The following ALDH16A1 variants were observed in gnomAD, a reference collection of about 807,000 sequenced individuals.
The protein encoded by ALDH16A1 is aldehyde dehydrogenase 16 family member A1, also known as aldehyde dehydrogenase family 16 member A1.
ALDH16A1 carries 88 observed loss-of-function variants against 96.1 expected under a neutral mutation model. The observed-to-expected ratio is 0.92, with a 90% confidence interval of 0.77 to 1.09. The LOEUF (loss-of-function observed/expected upper bound fraction) is 1.09, where lower values mean the gene tolerates loss of function less well. Ranked by LOEUF, ALDH16A1 falls within the 50% of genes least tolerant of loss-of-function variation. The probability of loss-of-function intolerance (pLI) is 0.00; values close to 1 mark genes in which losing one functional copy is unlikely to be tolerated. For synonymous variants in ALDH16A1, 522 were observed against 496.4 expected (o/e 1.05, Z -0.69); for missense variants, 1,250 against 1,112.6 (o/e 1.12, Z -1.76).
At chr19:49,455,082 C>T (rs1306475364) in intron 1 of ALDH16A1, among the ~76,000 whole-genome samples, 2 of 151,400 alleles carry the variant, frequency 1.3e-5, no homozygotes, top group Non-Finnish European at 2.9e-5. Flanking sequence ...TGCACCACTG[C>T]ACTCCAGCCT....
chr19:49,470,048 A>C, intron 16 of ALDH16A1: 1 of 463,882 alleles, frequency 2.2e-6, no homozygotes, highest in Admixed American at 3.9e-5. Flanking sequence ...TTGGTAACAG[A>C]TGTGAACTTG....
intron 8 of ALDH16A1, 146 bp from the exon 9 acceptor site, chr19:49,463,708 C>G: frequency 3.7e-6 from 2 of 535,082 alleles, no homozygotes; most frequent in Middle Eastern, 3.5e-4. Flanking sequence ...GGAGGAGAGG[C>G]TGGGGGTCCA....
chr19:49,461,850 C>G, intron 6 of ALDH16A1, 34 bp from the exon 7 acceptor site: 1 of 1,597,668 alleles, frequency 6.3e-7, no homozygotes, highest in Non-Finnish European at 8.5e-7. Flanking sequence ...GGCCGCAAGG[C>G]TCCTCCTGCG....
rs781088118 is a variant in ALDH16A1 at position 49,459,876 on chromosome 19, C to A, written c.499+28C>A. The stretch of plus-strand genomic sequence containing the variant: ...GAGACCCTGGAGTCCCTAGCCCTAT[C>A]CTCCCACATGACTCAGCAGTGCTAG... On this transcript the variant is annotated intron_variant, in intron 4 of 16. Transcript: ENST00000293350. This position sits in a 1 kb window ranked among gnomAD's most constrained non-coding sequence, Gnocchi z 4.1. 1.3e-6 allele frequency: 2 copies of A among 1,599,648 alleles called. No individual in the cohort carries two copies. Among genetic ancestry groups the A allele is most frequent in the African/African-American group, 2.7e-5 (2 of 73,976 alleles).
chr19:49,464,714 G>C lies in ALDH16A1; in HGVS notation c.1520G>C (p.Gly507Ala), dbSNP rs2079183953. 1 of 1,613,472 alleles carries C rather than the reference G, an allele frequency of 6.2e-7. No individual in the cohort carries two copies. The highest frequency in any genetic ancestry group is 1.3e-5 in the African/African-American group (1 of 74,926). ...AAGAACCTGAACTATGACACCTTTG[G>C]CCTCGCTGTTCCCTCAACCCTGCCG... is the stretch of plus-strand genomic sequence containing the variant. ...LSKNLNYDTF[G>A]LAVPSTLPAG... The change falls in exon 12 of 17, where the codon GGC (glycine) becomes GCC (alanine). Residue 507 changes from glycine (G) to alanine (A), a missense_variant. By Grantham distance (60) the Gly-to-Ala change is moderately conservative. Coordinates refer to ENST00000293350, the MANE Select transcript of ALDH16A1 (RefSeq NM_153329.4).
intron 14 of ALDH16A1, 56 bp downstream of exon 14, chr19:49,466,339 A>G (rs1160265474): frequency 2.1e-6 from 3 of 1,406,182 alleles, no homozygotes; most frequent in Non-Finnish European, 9.3e-7. Flanking sequence ...GGCTCAGACC[A>G]GAGGCTGTGA....
rs2079217888 is a variant in ALDH16A1 at position 49,468,458 on chromosome 19, GCCCC to G, written c.2017_2020del (p.Pro673CysfsTer49). On this transcript the variant is annotated frameshift_variant, in exon 15 of 17. Coordinates refer to ENST00000293350, the MANE Select transcript of ALDH16A1 (RefSeq NM_153329.4). LOFTEE classifies it high-confidence loss of function. This position sits in a 1 kb window ranked among gnomAD's most constrained non-coding sequence, Gnocchi z 4.4. ...TGGCTGTGGTGTGTCCGGACGAGTG[GCCCC>G]TGCTTGCCTTCGTGTCCCTGCTGGC... The G allele has an allele frequency of 1.2e-6, 2 of 1,602,096 alleles. No homozygotes were observed. The highest frequency in any genetic ancestry group is 2.2e-5 in the East Asian group (1 of 44,856).
At chr19:49,456,860 C>T (rs2079107192) in intron 1 of ALDH16A1, among the ~76,000 whole-genome samples, 1 of 152,164 alleles carries the variant, frequency 6.6e-6, no homozygotes, top group Non-Finnish European at 1.5e-5. Context: ...GTAATCCCAG[C>T]ACTTTGGGAG....
Position 49,464,116 on chromosome 19 carries a change from A to T in ALDH16A1, c.1195-11A>T, listed in dbSNP as rs1246414437. On this transcript the variant is annotated splice_polypyrimidine_tract_variant and intron_variant, in intron 9 of 16. Coordinates refer to ENST00000293350, the MANE Select transcript of ALDH16A1 (RefSeq NM_153329.4). ...CCCTGGAGGGCTGAGCCTCCCGGTC[A>T]CCCCTTGCAGGTGCCGTGGCCTGTG... 6.2e-7 allele frequency: 1 copy of T among 1,603,678 alleles called. No individual in the cohort carries two copies. The highest frequency in any genetic ancestry group is 8.5e-7 in the Non-Finnish European group (1 of 1,176,158).
intron 1 of ALDH16A1, among the ~76,000 whole-genome samples, chr19:49,455,892 T>A (rs891265887): frequency 6.6e-6 from 1 of 152,218 alleles, no homozygotes; most frequent in Non-Finnish European, 1.5e-5. Flanking sequence ...AACTTTATTT[T>A]TTTTTTATGT....
Position 49,468,805 on chromosome 19 carries a change from G to T in ALDH16A1, c.2125-59G>T. 4 of 1,564,374 alleles carry T rather than the reference G, an allele frequency of 2.6e-6. No individual in the cohort carries two copies. Among genetic ancestry groups the T allele is most frequent in the Non-Finnish European group, 2.6e-6 (3 of 1,149,006 alleles). ...TCCCTCCCATGGGCACCCCCTGAATGCCCACTCCTTGCCCTGCCCCCACGG... is the reference window on the plus strand; with the variant it reads ...TCCCTCCCATGGGCACCCCCTGAATTCCCACTCCTTGCCCTGCCCCCACGG... On this transcript the variant is annotated intron_variant, in intron 15 of 16. Transcript: ENST00000293350. The surrounding 1 kb of genome is among the most constrained non-coding windows in gnomAD (Gnocchi z 4.4).
chr19:49,461,723 A>C lies in ALDH16A1; in HGVS notation c.682A>C (p.Ser228Arg). The C allele has an allele frequency of 6.2e-7, 1 of 1,610,170 alleles. No homozygotes were observed. Among genetic ancestry groups the C allele is most frequent in the Non-Finnish European group, 8.5e-7 (1 of 1,178,328 alleles). Residue 228 changes from serine to arginine, a missense_variant, in exon 6 of 17, where the codon AGT becomes CGT. Coordinates refer to ENST00000293350, the MANE Select transcript of ALDH16A1 (RefSeq NM_153329.4). Reference sequence around the variant, plus strand: ...CTTCCCGGGAATCCTGAATGTCCTCAGTGGCCCTGCGTCCCTGGTGCCCAT... The same window carrying C: ...CTTCCCGGGAATCCTGAATGTCCTCCGTGGCCCTGCGTCCCTGGTGCCCAT... ...GPFPGILNVL[S>R]GPASLVPILA...
intron 9 of ALDH16A1, 37 bp from the exon 10 acceptor site, chr19:49,464,090 G>T: frequency 6.3e-7 from 1 of 1,597,392 alleles, no homozygotes; most frequent in Non-Finnish European, 8.5e-7. Context: ...TGGTGGGTGG[G>T]CCCTGGAGGG....
At position 49,461,665 on chromosome 19, in the gene ALDH16A1, C is replaced by T. The variant is rs749746261; in HGVS notation, c.624C>T (p.Leu208=). 1 of 1,606,966 alleles carries T rather than the reference C, an allele frequency of 6.2e-7. No individual in the cohort carries two copies. Among genetic ancestry groups the T allele is most frequent in the Admixed American group, 1.7e-5 (1 of 59,624 alleles). The change falls in exon 6 of 17, where the codon CTC becomes CTT. Residue 208 remains leucine, a synonymous_variant. Coordinates refer to ENST00000293350, the MANE Select transcript of ALDH16A1 (RefSeq NM_153329.4). ...ALVPPASPAP[L]LLAQLAGELG... is the part of the protein sequence containing the mutation. ...TGCCCCCGGCCTCCCCGGCGCCCCT[C>T]CTCCTGGCCCAGCTGGCGGGGGAGC...
At chr19:49,460,437 G>C (rs558451456) in intron 4 of ALDH16A1, among the ~76,000 whole-genome samples, 2 of 149,308 alleles carry the variant, frequency 1.3e-5, no homozygotes, top group South Asian at 4.2e-4. Context: ...TTTTGAGATG[G>C]AGTTTCGCTC....
intron 1 of ALDH16A1, 110 bp downstream of exon 1, chr19:49,453,531 C>G: frequency 9.5e-7 from 1 of 1,050,898 alleles, no homozygotes; most frequent in Non-Finnish European, 1.4e-6. Context: ...CTCCGCCTCT[C>G]TTAGTCCCCG....
At position 49,461,954 on chromosome 19, in the gene ALDH16A1, C is replaced by CGCT. The variant is rs753339031; in HGVS notation, c.841_843dup (p.Leu281dup). On this transcript the variant is annotated inframe_insertion, in exon 7 of 17. Coordinates refer to ENST00000293350, the MANE Select transcript of ALDH16A1 (RefSeq NM_153329.4). ...CTGGGCCTGGCGCTGGGGACGGAGT[C>CGCT]GCTGCTGCTGCTGACGGACACGGCG... 44 of 1,568,126 alleles carry CGCT rather than the reference C, an allele frequency of 2.8e-5. No individual in the cohort carries two copies. Among genetic ancestry groups the CGCT allele is most frequent in the Middle Eastern group, 3.3e-4 (2 of 6,006 alleles).
Position 49,459,615 on chromosome 19 carries a change from A to T in ALDH16A1, c.321-55A>T. The T allele has an allele frequency of 1.3e-6, 2 of 1,547,022 alleles. No individual in the cohort carries two copies. Among genetic ancestry groups the T allele is most frequent in the South Asian group, 2.5e-5 (2 of 80,254 alleles). ...TCCAGGTATATAGGAGCAGCCCAGG[A>T]CTCTGCAAGGCTGAGGGCCGTTGGA... On this transcript the variant is annotated intron_variant, in intron 3 of 16. Coordinates refer to ENST00000293350, the MANE Select transcript of ALDH16A1 (RefSeq NM_153329.4). The surrounding 1 kb of genome is among the most constrained non-coding windows in gnomAD (Gnocchi z 4.1).
chr19:49,455,144 G>A (rs1394717569), intron 1 of ALDH16A1, among the ~76,000 whole-genome samples: 4 of 150,786 alleles, frequency 2.7e-5, no homozygotes, highest in African/African-American at 4.9e-5. Context: ...ATGGCTGGGC[G>A]CAGTGGTTCA....
Sources: allele counts gnomAD v4.1 joint callset (sites outside exome capture counted in the v4.1 genomes callset), GRCh38; gene constraint gnomAD v4.1.1; non-coding constraint Gnocchi (gnomAD v3.1); transcripts MANE v1.5; gene names NCBI Gene and HGNC (gene_info 2026-07-23, HGNC 2026-07-21).